ERGIC1: variants seen among roughly 807,000 people sequenced by gnomAD.
The protein encoded by ERGIC1 is endoplasmic reticulum-golgi intermediate compartment 1.
Under a neutral mutation model 38.3 loss-of-function variants are expected in ERGIC1, and 19 were observed. The ratio of observed to expected loss-of-function variants is 0.50; its 90% CI spans 0.35 to 0.73. ERGIC1 has a LOEUF of 0.73. Ranked by LOEUF, ERGIC1 falls within the 30% of genes least tolerant of loss-of-function variation. The pLI, the probability that ERGIC1 is intolerant of heterozygous loss-of-function variation, is 0.01. For synonymous variants in ERGIC1, 124 were observed against 157.6 expected, an observed-to-expected ratio of 0.79 and a Z score of 1.60; for missense variants, 294 against 389.2, an observed-to-expected ratio of 0.76 and a Z score of 2.06.
intron 2 of ERGIC1, among the ~76,000 whole-genome samples, chr5:172,896,431 C>CA (rs1178882964): frequency 6.6e-6 from 1 of 152,214 alleles, no homozygotes; most frequent in African/African-American, 2.4e-5. Flanking sequence ...CTTCTAAGGA[C>CA]AGGGGCACCG....
chr5:172,869,173 A>G (rs1761942520), intron 1 of ERGIC1, among the ~76,000 whole-genome samples: 1 of 152,236 alleles, frequency 6.6e-6, no homozygotes, highest in Admixed American at 6.5e-5. Context: ...CTGCCAGTGT[A>G]TAGACAGATC....
intron 3 of ERGIC1, among the ~76,000 whole-genome samples, chr5:172,907,674 G>A (rs1210093382): frequency 1.3e-5 from 2 of 152,100 alleles, no homozygotes; most frequent in Non-Finnish European, 2.9e-5. Flanking sequence ...TGCACATGCT[G>A]CCAGGATGAT....
intron 7 of ERGIC1, 22 bp from the exon 8 acceptor site, chr5:172,932,414 T>C: frequency 6.2e-7 from 1 of 1,613,144 alleles, no homozygotes; most frequent in Non-Finnish European, 8.5e-7. Flanking sequence ...CCCTGCTTCA[T>C]TCTGCTGTGT....
intron 1 of ERGIC1, among the ~76,000 whole-genome samples, chr5:172,835,234 T>A (rs1761005534): frequency 6.6e-6 from 1 of 152,212 alleles, no homozygotes; most frequent in Non-Finnish European, 1.5e-5. Context: ...ACTTGGTGTC[T>A]GGCTGGGAAA....
intron 5 of ERGIC1, chr5:172,915,783 A>C (rs1023728107): frequency 1.3e-5 from 5 of 385,358 alleles, no homozygotes; most frequent in Non-Finnish European, 2.8e-5. Context: ...AGCCCCAGCC[A>C]AACTGAGCCA....
At chr5:172,929,078 C>T (rs1763720728) in intron 7 of ERGIC1, among the ~76,000 whole-genome samples, 1 of 151,872 alleles carries the variant, frequency 6.6e-6, no homozygotes, top group Admixed American at 6.6e-5. Context: ...TTAACTGGTC[C>T]TGAATGATAT....
At chr5:172,918,295 C>A (rs753832816) in intron 5 of ERGIC1, 5 of 152,198 alleles carry the variant, frequency 3.3e-5, no homozygotes, top group Non-Finnish European at 7.4e-5. Context: ...ACTTTGTAAT[C>A]CTATGCATTT....
intron 1 of ERGIC1, among the ~76,000 whole-genome samples, chr5:172,850,781 C>T (rs939841392): frequency 1.3e-5 from 2 of 152,144 alleles, no homozygotes; most frequent in African/African-American, 2.4e-5. Context: ...TCTTCTAAAG[C>T]GGAGGTTGCA....
chr5:172,903,405 C>T (rs1762935950), intron 3 of ERGIC1, among the ~76,000 whole-genome samples: 1 of 152,132 alleles, frequency 6.6e-6, no homozygotes, highest in Non-Finnish European at 1.5e-5. Flanking sequence ...ACCGGCCCCT[C>T]AGCTTTTCAC....
intron 2 of ERGIC1, among the ~76,000 whole-genome samples, chr5:172,893,484 T>G (rs1488238267): frequency 6.6e-6 from 1 of 152,064 alleles, no homozygotes; most frequent in African/African-American, 2.4e-5. Context: ...CATTACAGCA[T>G]CCAATGGGTT....
intron 1 of ERGIC1, among the ~76,000 whole-genome samples, chr5:172,849,624 G>A (rs1375488202): frequency 6.6e-6 from 1 of 152,196 alleles, no homozygotes; most frequent in Non-Finnish European, 1.5e-5. Flanking sequence ...ACACCTGCAG[G>A]AATGCAGCTC....
chr5:172,948,627 G>A (rs1193202217), intron 9 of ERGIC1, among the ~76,000 whole-genome samples: 1 of 152,240 alleles, frequency 6.6e-6, no homozygotes, highest in East Asian at 1.9e-4. Flanking sequence ...GTACCTCAGT[G>A]AAGAGGCATC....
At chr5:172,905,632 C>G (rs904443212) in intron 3 of ERGIC1, among the ~76,000 whole-genome samples, 3 of 152,222 alleles carry the variant, frequency 2.0e-5, no homozygotes, top group Non-Finnish European at 4.4e-5. Flanking sequence ...GGGAGCCTCG[C>G]TGAATAAGCA....
chr5:172,878,183 C>T (rs1762193226), intron 1 of ERGIC1, among the ~76,000 whole-genome samples: 1 of 152,136 alleles, frequency 6.6e-6, no homozygotes, highest in Non-Finnish European at 1.5e-5. Flanking sequence ...AGCTGGGAGG[C>T]CATGCCATGG....
intron 7 of ERGIC1, among the ~76,000 whole-genome samples, chr5:172,929,275 C>T (rs1763725883): frequency 6.6e-6 from 1 of 152,074 alleles, no homozygotes; most frequent in African/African-American, 2.4e-5. Flanking sequence ...CAAGATTGGC[C>T]ATACGCTGGT....
intron 1 of ERGIC1, among the ~76,000 whole-genome samples, chr5:172,886,562 G>A (rs1285941269): frequency 1.3e-5 from 2 of 152,172 alleles, no homozygotes; most frequent in Non-Finnish European, 2.9e-5. Flanking sequence ...TAAAAGAGGG[G>A]GTGTGTTAGT....
intron 1 of ERGIC1, among the ~76,000 whole-genome samples, chr5:172,840,363 C>A (rs950360531): frequency 1.3e-5 from 2 of 152,182 alleles, no homozygotes; most frequent in African/African-American, 4.8e-5. Context: ...TTTGGAGTTA[C>A]TCCTAGCCAG....
intron 3 of ERGIC1, among the ~76,000 whole-genome samples, chr5:172,902,971 C>T (rs1032160275): frequency 1.3e-5 from 2 of 152,014 alleles, no homozygotes; most frequent in Non-Finnish European, 2.9e-5. Flanking sequence ...CATTTACACT[C>T]CCCCCACCCA....
chr5:172,909,874 C>G (rs1763163975), intron 4 of ERGIC1, 113 bp downstream of exon 4: 1 of 946,806 alleles, frequency 1.1e-6, no homozygotes, highest in East Asian at 2.4e-5. Flanking sequence ...TGGTTCTCCC[C>G]ACTCTTTTTT....
Sources: gnomAD v4.1 joint callset for allele counts (sites outside exome capture counted in the v4.1 genomes callset) on GRCh38, gnomAD v4.1.1 for gene constraint, MANE v1.5 for transcripts, NCBI Gene and HGNC (gene_info 2026-07-23, HGNC 2026-07-21) for gene names.